Variants in STPG2 observed in about 807,000 individuals in gnomAD.
STPG2 encodes sperm-tail PG-rich repeat-containing protein 2.
Under a neutral mutation model 54.2 loss-of-function variants are expected in STPG2, and 56 were observed. The observed-to-expected ratio is 1.03, with a 90% CI of 0.83 to 1.29. The LOEUF (loss-of-function observed/expected upper bound fraction) is 1.29, where lower values mean the gene tolerates loss of function less well. Ranked by LOEUF, STPG2 falls within the 50% of genes most tolerant of loss-of-function variation. The pLI is 0.00. For synonymous variants in STPG2, 200 were observed against 181.8 expected, an observed-to-expected ratio of 1.10 and a Z score of -0.81; for missense variants, 596 against 544.9, an observed-to-expected ratio of 1.09 and a Z score of -0.93.
At chr4:97,763,343 A>G (rs1002561137) in intron 9 of STPG2, among the ~76,000 whole-genome samples, 1 of 152,190 alleles carries the variant, frequency 6.6e-6, no homozygotes, top group Non-Finnish European at 1.5e-5. Context: ...AACAGAAGAG[A>G]CTAATGATGT....
chr4:97,694,138 A>G (rs1723477584), intron 10 of STPG2, among the ~76,000 whole-genome samples: 1 of 152,190 alleles, frequency 6.6e-6, no homozygotes, highest in Admixed American at 6.5e-5. Context: ...ACCCAAAGCC[A>G]GCAGAAGAAA....
At chr4:97,491,450 AC>A (rs889831613) in intron 4 of STPG2, among the ~76,000 whole-genome samples, 2 of 151,630 alleles carry the variant, frequency 1.3e-5, no homozygotes, top group East Asian at 2.0e-4. Flanking sequence ...TGCCAGACTT[AC>A]AGAAATGCAG....
chr4:98,018,329 C>G (rs1307328491), intron 5 of STPG2, among the ~76,000 whole-genome samples: 3 of 152,086 alleles, frequency 2.0e-5, no homozygotes, highest in Non-Finnish European at 2.9e-5. Flanking sequence ...CATCCATGTC[C>G]CTACAAAGGA....
chr4:98,113,964 G>T (rs527864423), intron 3 of STPG2, among the ~76,000 whole-genome samples: 12 of 152,134 alleles, frequency 7.9e-5, no homozygotes, highest in Non-Finnish European at 1.5e-4. Context: ...TACAAAAGTG[G>T]CAGAGTCTGA....
intron 9 of STPG2, among the ~76,000 whole-genome samples, chr4:97,827,862 AC>A (rs1324635172): frequency 1.3e-5 from 2 of 152,086 alleles, no homozygotes; most frequent in African/African-American, 4.8e-5. Flanking sequence ...AGAGTTGCTA[AC>A]CTGTGGTAAG....
chr4:97,925,690 T>C (rs538424177), intron 8 of STPG2, among the ~76,000 whole-genome samples: 9 of 152,324 alleles, frequency 5.9e-5, no homozygotes, highest in African/African-American at 2.2e-4. Context: ...AATACAGTTT[T>C]TAGTCAGAAT....
intron 5 of STPG2, among the ~76,000 whole-genome samples, chr4:98,071,388 C>T (rs1354895273): frequency 6.6e-6 from 1 of 152,056 alleles, no homozygotes; most frequent in East Asian, 1.9e-4. Flanking sequence ...AAACTGGGCC[C>T]CTTCCTTACA....
chr4:97,711,239 C>A (rs1437571265), intron 10 of STPG2, among the ~76,000 whole-genome samples: 1 of 152,052 alleles, frequency 6.6e-6, no homozygotes, highest in Non-Finnish European at 1.5e-5. Context: ...TATCATCAAA[C>A]TATGAACAAC....
intron 8 of STPG2, among the ~76,000 whole-genome samples, chr4:97,935,808 G>A (rs748132273): frequency 2.0e-5 from 3 of 152,054 alleles, no homozygotes; most frequent in Non-Finnish European, 2.9e-5. Flanking sequence ...TTATGTGATC[G>A]ATTTTAGAGT....
At chr4:97,929,639 T>G (rs944951504) in intron 8 of STPG2, among the ~76,000 whole-genome samples, 2 of 152,338 alleles carry the variant, frequency 1.3e-5, no homozygotes, top group South Asian at 2.1e-4. Flanking sequence ...GATGTTGAAC[T>G]TTTTCTCAGT....
At chr4:98,091,889 C>T (rs139154331) in intron 5 of STPG2, among the ~76,000 whole-genome samples, 507 of 152,098 alleles carry the variant, frequency 3.3e-3, no homozygotes, top group African/African-American at 0.012. Context: ...AAATATCACA[C>T]ACCTAGTATG....
chr4:97,847,442 C>T (rs986479711), intron 8 of STPG2, among the ~76,000 whole-genome samples: 3 of 151,978 alleles, frequency 2.0e-5, no homozygotes, highest in African/African-American at 7.2e-5. Context: ...ATGGAAAATA[C>T]TGACTTTATT....
At chr4:97,887,476 A>T (rs936416848) in intron 8 of STPG2, among the ~76,000 whole-genome samples, 1 of 152,180 alleles carries the variant, frequency 6.6e-6, no homozygotes, top group African/African-American at 2.4e-5. Context: ...AGAAGTTTGA[A>T]CACAACAGTG....
intron 8 of STPG2, among the ~76,000 whole-genome samples, chr4:97,889,395 T>C (rs1730686724): frequency 6.6e-6 from 1 of 152,154 alleles, no homozygotes; most frequent in Non-Finnish European, 1.5e-5. Context: ...TTATTCACAG[T>C]AGTCAAGATA....
intron 7 of STPG2, among the ~76,000 whole-genome samples, chr4:97,963,414 T>A (rs1168510962): frequency 6.6e-6 from 1 of 152,118 alleles, no homozygotes; most frequent in East Asian, 1.9e-4. Context: ...CCCACTGCTT[T>A]GGGAGGCAGA....
At chr4:97,946,828 T>G (rs1331228566) in intron 7 of STPG2, among the ~76,000 whole-genome samples, 2 of 141,122 alleles carry the variant, frequency 1.4e-5, no homozygotes, top group African/African-American at 4.9e-5. Flanking sequence ...AGTAATGTGC[T>G]GCCTCCAGAT....
At chr4:98,011,618 A>G (rs1471888599) in intron 5 of STPG2, among the ~76,000 whole-genome samples, 1 of 152,164 alleles carries the variant, frequency 6.6e-6, no homozygotes, top group Admixed American at 6.5e-5. Context: ...CCTCACCACC[A>G]TCTGTTGTTT....
At chr4:97,901,664 G>T (rs1731181874) in intron 8 of STPG2, among the ~76,000 whole-genome samples, 1 of 151,596 alleles carries the variant, frequency 6.6e-6, no homozygotes, top group South Asian at 2.1e-4. Flanking sequence ...ATTGATAAAA[G>T]AAATAGAAGA....
At chr4:97,950,644 C>A (rs998071550) in intron 7 of STPG2, among the ~76,000 whole-genome samples, 1 of 152,124 alleles carries the variant, frequency 6.6e-6, no homozygotes, top group Non-Finnish European at 1.5e-5. Flanking sequence ...ACTGCCATTG[C>A]AAAATTATAA....
Sources: allele counts gnomAD v4.1 joint callset (sites outside exome capture counted in the v4.1 genomes callset), GRCh38; gene constraint gnomAD v4.1.1; transcripts MANE v1.5; gene names NCBI Gene and HGNC (gene_info 2026-07-23, HGNC 2026-07-21).